The following UBR3 variants were observed in gnomAD, a reference collection of about 807,000 sequenced individuals.
The protein encoded by UBR3 is ubiquitin protein ligase E3 component n-recognin 3.
Under a neutral mutation model 243.2 loss-of-function variants are expected in UBR3, and 85 were observed. The observed-to-expected ratio is 0.35, with a 90% confidence interval of 0.29 to 0.42. The LOEUF (loss-of-function observed/expected upper bound fraction) is 0.42. Ranked by LOEUF, UBR3 falls within the 10% of genes least tolerant of loss-of-function variation. The pLI, the probability that UBR3 is intolerant of heterozygous loss-of-function variation, is 1.00. For missense variants in UBR3, 1,686 were observed against 2,300.8 expected (o/e 0.73, Z 5.47); for synonymous variants, 748 against 799.8 (o/e 0.94, Z 1.09).
At chr2:169,997,135 T>C (rs2089518585) in intron 26 of UBR3, among the ~76,000 whole-genome samples, 1 of 138,812 alleles carries the variant, frequency 7.2e-6, no homozygotes, top group South Asian at 2.4e-4. Context: ...AGACTTTATT[T>C]AGACTTTATT....
intron 31 of UBR3, among the ~76,000 whole-genome samples, chr2:170,030,908 T>A (rs1042652291): frequency 6.6e-6 from 1 of 152,180 alleles, no homozygotes; most frequent in African/African-American, 2.4e-5. Flanking sequence ...TTTCTTTTTA[T>A]GAAGTCTCTA....
chr2:169,870,650 T>C (rs1279169216), intron 1 of UBR3, among the ~76,000 whole-genome samples: 2 of 152,058 alleles, frequency 1.3e-5, no homozygotes, highest in Non-Finnish European at 2.9e-5. Flanking sequence ...CTGTCTTTTA[T>C]TATTATTATT....
intron 19 of UBR3, among the ~76,000 whole-genome samples, chr2:169,940,432 G>T (rs1470699430): frequency 6.6e-6 from 1 of 151,952 alleles, no homozygotes; most frequent in Non-Finnish European, 1.5e-5. Flanking sequence ...TTTTTAAGTT[G>T]GTTTCTAGTT....
chr2:169,864,011 A>C (rs745999286), intron 1 of UBR3, among the ~76,000 whole-genome samples: 6 of 151,982 alleles, frequency 3.9e-5, no homozygotes, highest in African/African-American at 7.2e-5. Flanking sequence ...CGCCATGGAT[A>C]CTTTTTATGT....
At chr2:170,013,957 C>T in intron 29 of UBR3, 1 of 467,220 alleles carries the variant, frequency 2.1e-6, no homozygotes, top group Non-Finnish European at 4.4e-6. Context: ...AAATCCTTGT[C>T]CCTGCTTCCT....
At chr2:169,909,497 G>A (rs994873373) in intron 10 of UBR3, among the ~76,000 whole-genome samples, 3 of 152,164 alleles carry the variant, frequency 2.0e-5, no homozygotes, top group African/African-American at 7.2e-5. Context: ...AGAAGCTGGG[G>A]CTGAGGGAGT....
rs1355119973 is a variant in UBR3, at chr2:170,079,826, C to T, written c.5212C>T (p.Gln1738Ter). ...HAEQGKALLI[Q>*]ESKWKLPHLL... ...GATAATGTTTTAGGCCTTGCTTATCCAAGAGTCAAAATGGAAATTACCACA... is the reference window on the plus strand; with the variant it reads ...GATAATGTTTTAGGCCTTGCTTATCTAAGAGTCAAAATGGAAATTACCACA... The change falls in exon 37 of 39, where the codon CAA becomes TAA. Residue 1738 changes from glutamine to a stop codon, truncating the protein, a stop_gained. Coordinates refer to ENST00000272793, the MANE Select transcript of UBR3 (RefSeq NM_172070.4). LOFTEE classifies it high-confidence loss of function. The T allele has an allele frequency of 6.2e-7, 1 of 1,612,802 alleles. No individual in the cohort carries two copies. The highest frequency in any genetic ancestry group is 8.5e-7 in the Non-Finnish European group (1 of 1,179,670).
chr2:169,859,966 C>T lies in UBR3; in HGVS notation c.546-12270C>T, dbSNP rs568809552. ...TCTCCTGACCTTGTGATCCACCCGCCTCGGCCTCCCAAAGTGCTGGGATTA... is the reference window on the plus strand; with the variant it reads ...TCTCCTGACCTTGTGATCCACCCGCTTCGGCCTCCCAAAGTGCTGGGATTA... On this transcript the variant is annotated intron_variant, in intron 1 of 38. Transcript: ENST00000272793. Among the ~76,000 whole-genome samples the T allele has an allele frequency of 3.9e-5, 6 of 152,240 alleles. No individual in the cohort carries two copies. In the South Asian group the frequency reaches 1.2e-3, roughly 32 times the overall value.
At chr2:170,007,960 C>G (rs903778838) in intron 28 of UBR3, among the ~76,000 whole-genome samples, 5 of 152,078 alleles carry the variant, frequency 3.3e-5, no homozygotes, top group Admixed American at 3.3e-4. Context: ...ACAATTTAAT[C>G]ACTTAAAAAT....
chr2:169,927,479 C>G (rs997686216), intron 17 of UBR3, 74 bp downstream of exon 17: 129 of 1,135,082 alleles, frequency 1.1e-4, no homozygotes, highest in Non-Finnish European at 9.1e-5. Flanking sequence ...AATAGTTTAT[C>G]AATTTTTTGA....
At chr2:170,020,041 A>T (rs1389952591) in intron 30 of UBR3, among the ~76,000 whole-genome samples, 1 of 152,148 alleles carries the variant, frequency 6.6e-6, no homozygotes, top group Non-Finnish European at 1.5e-5. Context: ...TTGGCCTCCC[A>T]AAGTGCTGGG....
intron 30 of UBR3, among the ~76,000 whole-genome samples, chr2:170,019,898 C>T (rs1281322883): frequency 1.3e-5 from 2 of 152,068 alleles, no homozygotes; most frequent in Non-Finnish European, 1.5e-5. Flanking sequence ...ACCTCAGCCT[C>T]CCGAGTAGCT....
intron 19 of UBR3, among the ~76,000 whole-genome samples, chr2:169,939,262 CTT>C (rs201824066): frequency 2.8e-5 from 4 of 142,074 alleles, no homozygotes; most frequent in Admixed American, 7.1e-5. Context: ...TACTTATTAA[CTT>C]TTTTTTTTTT....
intron 1 of UBR3, among the ~76,000 whole-genome samples, chr2:169,854,837 G>T (rs966275259): frequency 6.6e-6 from 1 of 151,998 alleles, no homozygotes; most frequent in Non-Finnish European, 1.5e-5. Context: ...GTATTTAAGG[G>T]ATTATGTGTT....
intron 6 of UBR3, among the ~76,000 whole-genome samples, chr2:169,894,794 C>T (rs1474007865): frequency 6.6e-6 from 1 of 152,136 alleles, no homozygotes; most frequent in Non-Finnish European, 1.5e-5. Flanking sequence ...GTGTGAGATA[C>T]TGTTTTTTCC....
At chr2:169,880,177 C>T (rs899938059) in intron 5 of UBR3, among the ~76,000 whole-genome samples, 6 of 152,178 alleles carry the variant, frequency 3.9e-5, no homozygotes, top group Non-Finnish European at 7.3e-5. Context: ...GGTCTTATAT[C>T]TGTAGCCAGT....
At chr2:169,843,898 G>T (rs532001420) in intron 1 of UBR3, among the ~76,000 whole-genome samples, 82 of 151,832 alleles carry the variant, frequency 5.4e-4, no homozygotes, top group African/African-American at 1.9e-3. Context: ...GATAGAGTTT[G>T]TCCGTGAAAC....
At chr2:169,923,588 T>A (rs907748773) in intron 11 of UBR3, among the ~76,000 whole-genome samples, 2 of 152,176 alleles carry the variant, frequency 1.3e-5, no homozygotes, top group Non-Finnish European at 2.9e-5. Flanking sequence ...GAGTCCCAAA[T>A]GGTCTACTGT....
chr2:170,003,232 T>G (rs1313169532), intron 27 of UBR3, among the ~76,000 whole-genome samples: 1 of 152,210 alleles, frequency 6.6e-6, no homozygotes, highest in Non-Finnish European at 1.5e-5. Context: ...TGTAACTTAT[T>G]TACTACATTG....
Sources: allele counts gnomAD v4.1 joint callset (sites outside exome capture counted in the v4.1 genomes callset), GRCh38; gene constraint gnomAD v4.1.1; transcripts MANE v1.5; gene names NCBI Gene and HGNC (gene_info 2026-07-23, HGNC 2026-07-21).